The following ADGRL3 variants were observed in gnomAD, a reference collection of about 807,000 sequenced individuals.
ADGRL3 encodes the protein adhesion G protein-coupled receptor L3, also known as calcium-independent alpha-latrotoxin receptor 3.
ADGRL3 carries 62 observed loss-of-function variants against 153.5 expected under a neutral mutation model. That is an observed-to-expected ratio of 0.40 (90% confidence interval 0.33 to 0.50). ADGRL3 has a LOEUF of 0.50. Among genes scored for constraint, ADGRL3 ranks in the 20% least tolerant of loss-of-function variants. The pLI is 0.47. For missense variants in ADGRL3, 1,641 were observed against 1,859.4 expected (o/e 0.88, Z 2.16); for synonymous variants, 710 against 672.5 (o/e 1.06, Z -0.86).
At chr4:61,775,100 CATCAATATGCCAAGTGGCATAT>C (rs2097132166) in intron 8 of ADGRL3, among the ~76,000 whole-genome samples, 1 of 152,152 alleles carries the variant, frequency 6.6e-6, no homozygotes, top group Non-Finnish European at 1.5e-5. Flanking sequence ...AGTTCAAAAT[CATCAATATGCCAAGTGGCATAT>C]TTTGGGGCAG....
At chr4:61,395,428 G>A (rs1054645943) in intron 2 of ADGRL3, among the ~76,000 whole-genome samples, 3 of 151,930 alleles carry the variant, frequency 2.0e-5, no homozygotes, top group Non-Finnish European at 2.9e-5. Context: ...TGAATTAATG[G>A]AGTCTTCACC....
intron 6 of ADGRL3, among the ~76,000 whole-genome samples, chr4:61,700,778 C>T (rs1482598447): frequency 6.6e-6 from 1 of 152,130 alleles, no homozygotes; most frequent in Admixed American, 6.6e-5. Flanking sequence ...AAGTCTTAAA[C>T]ATATTAAGAT....
intron 8 of ADGRL3, among the ~76,000 whole-genome samples, chr4:61,758,012 A>G (rs186000161): frequency 3.3e-5 from 5 of 152,266 alleles, no homozygotes; most frequent in African/African-American, 1.2e-4. Flanking sequence ...CTGTTCTTTT[A>G]CATTTGCTGA....
At chr4:61,507,630 G>GT (rs1699442679) in intron 3 of ADGRL3, among the ~76,000 whole-genome samples, 7 of 152,086 alleles carry the variant, frequency 4.6e-5, no homozygotes, top group Admixed American at 2.6e-4. Context: ...ACAGGTTGTG[G>GT]GGGGGGACTT....
chr4:61,957,302 G>A (rs930595954), intron 17 of ADGRL3, among the ~76,000 whole-genome samples: 49 of 152,006 alleles, frequency 3.2e-4, no homozygotes, highest in African/African-American at 1.2e-3. Flanking sequence ...TAGTGATTTT[G>A]AATGAGAGTC....
At chr4:61,824,809 G>T (rs1313867547) in intron 9 of ADGRL3, among the ~76,000 whole-genome samples, 1 of 152,192 alleles carries the variant, frequency 6.6e-6, no homozygotes, top group Non-Finnish European at 1.5e-5. Flanking sequence ...AATAGATGTA[G>T]AAGATATGTA....
intron 2 of ADGRL3, among the ~76,000 whole-genome samples, chr4:61,432,937 G>A (rs2097393269): frequency 6.6e-6 from 1 of 151,790 alleles, no homozygotes; most frequent in Admixed American, 6.6e-5. Context: ...ACAGGTGTGA[G>A]CCACTGCGCC....
In ADGRL3 at chr4:61,368,891, C is replaced by G. The variant is rs182217893; in HGVS notation, c.-239-14233C>G. ...GAATGTTCTTCCATTTGTTTGTATC[C>G]TCTTTTATTTCCTTGAACAGCGATT... On this transcript the variant is annotated intron_variant, in intron 1 of 26. Coordinates refer to ENST00000683033, the MANE Select transcript of ADGRL3 (RefSeq NM_001387552.1). Among the ~76,000 whole-genome samples, 319 of 152,204 alleles carry G rather than the reference C, an allele frequency of 2.1e-3. 7 individuals carry two copies. The highest frequency in any genetic ancestry group is 4.3e-4 in the Non-Finnish European group (29 of 68,014).
At chr4:61,302,774 C>T (rs2094622173) in intron 1 of ADGRL3, among the ~76,000 whole-genome samples, 1 of 152,060 alleles carries the variant, frequency 6.6e-6, no homozygotes, top group African/African-American at 2.4e-5. Flanking sequence ...GCAAATAAGG[C>T]ACATTTTACA....
At chr4:61,413,672 G>C (rs999590403) in intron 2 of ADGRL3, among the ~76,000 whole-genome samples, 2 of 152,074 alleles carry the variant, frequency 1.3e-5, no homozygotes, top group Non-Finnish European at 2.9e-5. Flanking sequence ...GCTTTACTGG[G>C]CCATTTTCGG....
At chr4:61,474,936 A>C (rs2098025494) in intron 2 of ADGRL3, among the ~76,000 whole-genome samples, 1 of 152,178 alleles carries the variant, frequency 6.6e-6, no homozygotes. Context: ...AGGCTTATTA[A>C]ATTACTACTG....
At chr4:61,236,824 C>T (rs72633436) in intron 1 of ADGRL3, among the ~76,000 whole-genome samples, 13,452 of 152,036 alleles carry the variant, frequency 0.088, 633 homozygotes, top group Non-Finnish European at 0.1. Context: ...GTTTTCTCCA[C>T]GTGGTATATA....
chr4:61,568,116 G>A (rs1389935517), intron 4 of ADGRL3, among the ~76,000 whole-genome samples: 1 of 151,828 alleles, frequency 6.6e-6, no homozygotes, highest in East Asian at 1.9e-4. Context: ...TAGCAATTAT[G>A]TGATTATTGT....
At chr4:61,703,278 G>T (rs1183784567) in intron 6 of ADGRL3, among the ~76,000 whole-genome samples, 1 of 147,166 alleles carries the variant, frequency 6.8e-6, no homozygotes, top group East Asian at 1.9e-4. Flanking sequence ...AAACAATGTA[G>T]ATGCTCAACA....
intron 9 of ADGRL3, among the ~76,000 whole-genome samples, chr4:61,868,649 A>G (rs1300105666): frequency 1.3e-5 from 2 of 151,946 alleles, no homozygotes; most frequent in Admixed American, 6.6e-5. Flanking sequence ...TCTCTTCTAT[A>G]TTCTCCAGCT....
intron 15 of ADGRL3, among the ~76,000 whole-genome samples, chr4:61,939,341 A>G (rs1449765650): frequency 1.3e-5 from 2 of 152,242 alleles, no homozygotes; most frequent in Non-Finnish European, 2.9e-5. Flanking sequence ...TCACAAAAAG[A>G]AGGAAAATAA....
At chr4:61,921,423 G>T (rs2098768608) in intron 13 of ADGRL3, among the ~76,000 whole-genome samples, 1 of 152,052 alleles carries the variant, frequency 6.6e-6, no homozygotes, top group South Asian at 2.1e-4. Flanking sequence ...ATCACTGTTA[G>T]CTTTTTTGTT....
At chr4:61,540,297 C>T (rs2098682038) in intron 4 of ADGRL3, among the ~76,000 whole-genome samples, 1 of 152,116 alleles carries the variant, frequency 6.6e-6, no homozygotes, top group South Asian at 2.1e-4. Context: ...GCCTGTAATC[C>T]CAGCACTTTG....
intron 2 of ADGRL3, among the ~76,000 whole-genome samples, chr4:61,443,742 A>G (rs961970361): frequency 6.6e-6 from 1 of 152,184 alleles, no homozygotes; most frequent in Non-Finnish European, 1.5e-5. Context: ...TTCAAGGAAA[A>G]AAAGCAGGAT....
Sources: allele counts gnomAD v4.1 joint callset (sites outside exome capture counted in the v4.1 genomes callset), GRCh38; gene constraint gnomAD v4.1.1; transcripts MANE v1.5; gene names NCBI Gene and HGNC (gene_info 2026-07-23, HGNC 2026-07-21).